The following ABHD10 variants were observed in gnomAD, a reference collection of about 807,000 sequenced individuals.
ABHD10 encodes abhydrolase domain containing 10, depalmitoylase.
ABHD10 carries 22 observed loss-of-function variants against 33.1 expected under a neutral mutation model. That is an observed-to-expected ratio of 0.66 (90% CI 0.47 to 0.95). The LOEUF (loss-of-function observed/expected upper bound fraction) is 0.95. Among genes scored for constraint, ABHD10 ranks in the 40% least tolerant of loss-of-function variants. The probability of loss-of-function intolerance (pLI) is 0.00; values close to 1 mark genes in which losing one functional copy is unlikely to be tolerated. For missense variants in ABHD10, 352 were observed against 379.9 expected, an observed-to-expected ratio of 0.93 and a Z score of 0.61; for synonymous variants, 146 against 133.9, an observed-to-expected ratio of 1.09 and a Z score of -0.62.
intron 1 of ABHD10, among the ~76,000 whole-genome samples, chr3:111,980,157 T>G (rs948243637): frequency 2.0e-5 from 3 of 152,236 alleles, no homozygotes; most frequent in African/African-American, 7.2e-5. Context: ...TTACATTAAA[T>G]AAATTATAAT....
chr3:111,983,692 C>G (rs1041515570), intron 2 of ABHD10, among the ~76,000 whole-genome samples: 5 of 152,002 alleles, frequency 3.3e-5, no homozygotes, highest in Non-Finnish European at 5.9e-5. Context: ...GTTTATTACA[C>G]AAGAAATAAA....
intron 4 of ABHD10, among the ~76,000 whole-genome samples, chr3:111,990,520 A>G (rs1186435564): frequency 6.6e-6 from 1 of 151,928 alleles, no homozygotes; most frequent in Non-Finnish European, 1.5e-5. Flanking sequence ...ACAAAATTCT[A>G]ATTTTTTTAG....
At chr3:111,984,363 T>G (rs1335941929) in intron 2 of ABHD10, among the ~76,000 whole-genome samples, 1 of 152,164 alleles carries the variant, frequency 6.6e-6, no homozygotes, top group East Asian at 1.9e-4. Context: ...CCAAAAAGGT[T>G]CATTTGAACT....
At chr3:111,987,120 T>C in intron 4 of ABHD10, 69 bp downstream of exon 4, 8 of 1,535,554 alleles carry the variant, frequency 5.2e-6, no homozygotes, top group Non-Finnish European at 7.0e-6. Flanking sequence ...CCCTCTTTCT[T>C]TGAGGGAAGG....
intron 2 of ABHD10, among the ~76,000 whole-genome samples, chr3:111,985,409 T>C (rs2072643318): frequency 6.6e-6 from 1 of 152,188 alleles, no homozygotes; most frequent in Non-Finnish European, 1.5e-5. Context: ...AATTTTATTC[T>C]GGTCTCCTTC....
chr3:111,991,343 CA>C, intron 4 of ABHD10, 33 bp from the exon 5 acceptor site: 1 of 1,558,468 alleles, frequency 6.4e-7, no homozygotes, highest in Non-Finnish European at 8.6e-7. Context: ...CCTAAAGTCA[CA>C]AATACTTTTA....
chr3:111,986,536 C>T (rs531217292), intron 3 of ABHD10, among the ~76,000 whole-genome samples, 161 bp downstream of exon 3: 8 of 152,264 alleles, frequency 5.3e-5, no homozygotes, highest in Admixed American at 2.0e-4. Flanking sequence ...CCCGGGTTCA[C>T]GGCATCCTCC....
intron 1 of ABHD10, among the ~76,000 whole-genome samples, chr3:111,979,593 T>G (rs965068070): frequency 6.6e-6 from 1 of 152,260 alleles, no homozygotes; most frequent in African/African-American, 2.4e-5. Flanking sequence ...TCCTTTGAGT[T>G]TAGGGAACCT....
rs780376193 is a variant in ABHD10 at position 111,986,382 on chromosome 3, G to T, written c.438+7G>T. On this transcript the variant is annotated splice_region_variant and intron_variant, in intron 3 of 4. Transcript: ENST00000273359. The stretch of plus-strand genomic sequence containing the variant: ...CTTAGCTGATGGGCCACAGGTGACT[G>T]TTTTGTTAAGTATGATGATAATTAC... 41 of 1,549,138 alleles carry T rather than the reference G, an allele frequency of 2.6e-5. No individual in the cohort carries two copies. The Admixed American group carries it at 7.0e-4, about 26-fold the overall frequency.
rs1437534095 is a variant in ABHD10 at position 111,992,297 on chromosome 3, T to A, written c.*576T>A. 1 of 150,172 alleles carries A rather than the reference T, an allele frequency of 6.7e-6. No individual in the cohort carries two copies. Among genetic ancestry groups the A allele is most frequent in the Non-Finnish European group, 1.5e-5 (1 of 67,570 alleles). The allele number at this position is 150,172 out of a possible 1,614,324, so 9.3% of individuals were successfully genotyped here. A position where few individuals can be genotyped will look rare whatever the true frequency, so the allele number is the denominator to read the frequency against. On this transcript the variant is annotated 3_prime_UTR_variant, in exon 5 of 5. Transcript: ENST00000273359. ...CAAACTTAAAATTGAGCTTTTTTTT[T>A]AAAGGCCCAAAATTGTACAGTGATA...
At chr3:111,981,755 A>G (rs556532933) in intron 1 of ABHD10, 29 bp from the exon 2 acceptor site, 12 of 1,491,156 alleles carry the variant, frequency 8.0e-6, no homozygotes, top group Middle Eastern at 1.8e-4. Context: ...TTTACAAACC[A>G]TAGTTTACTT....
At chr3:111,983,006 A>G (rs978944591) in intron 2 of ABHD10, among the ~76,000 whole-genome samples, 3 of 152,140 alleles carry the variant, frequency 2.0e-5, no homozygotes, top group East Asian at 3.8e-4. Context: ...TTGGAAATAG[A>G]TTCTCTAGCA....
intron 4 of ABHD10, among the ~76,000 whole-genome samples, chr3:111,989,853 T>C (rs1221140013): frequency 6.6e-6 from 1 of 152,066 alleles, no homozygotes; most frequent in Non-Finnish European, 1.5e-5. Flanking sequence ...AAAAATACAT[T>C]AAAGCCTAAG....
chr3:111,982,560 C>A (rs1000953972), intron 2 of ABHD10, among the ~76,000 whole-genome samples: 1 of 151,978 alleles, frequency 6.6e-6, no homozygotes, highest in Non-Finnish European at 1.5e-5. Flanking sequence ...TATCCACTGT[C>A]CAGAAGAGAT....
intron 4 of ABHD10, among the ~76,000 whole-genome samples, chr3:111,987,380 G>A (rs146238752): frequency 0.013 from 1,974 of 151,548 alleles, 16 homozygotes; most frequent in Non-Finnish European, 0.022. Flanking sequence ...ATCATACATC[G>A]TGATCTCCTT....
chr3:111,984,581 TA>T (rs995512826), intron 2 of ABHD10, among the ~76,000 whole-genome samples: 25 of 151,522 alleles, frequency 1.6e-4, no homozygotes, highest in Non-Finnish European at 3.4e-4. Context: ...AATTTAGTAG[TA>T]AAAAAAAATT....
chr3:111,982,102 T>C, intron 2 of ABHD10, 135 bp downstream of exon 2: 1 of 753,856 alleles, frequency 1.3e-6, no homozygotes, highest in Non-Finnish European at 1.8e-6. Flanking sequence ...TTGCATCTTG[T>C]GATTTAGGGT....
At chr3:111,987,436 A>G (rs996436091) in intron 4 of ABHD10, among the ~76,000 whole-genome samples, 5 of 152,070 alleles carry the variant, frequency 3.3e-5, no homozygotes, top group African/African-American at 1.2e-4. Flanking sequence ...GCCTGTTCTT[A>G]TGACTATGTT....
At chr3:111,986,195 A>C in intron 2 of ABHD10, 69 bp from the exon 3 acceptor site, 1 of 836,052 alleles carries the variant, frequency 1.2e-6, no homozygotes, top group Non-Finnish European at 1.9e-6. Context: ...GGAAGGTGCT[A>C]TCTTTCTTAA....
Sources: gnomAD v4.1 joint callset for allele counts (sites outside exome capture counted in the v4.1 genomes callset) on GRCh38, gnomAD v4.1.1 for gene constraint, MANE v1.5 for transcripts, NCBI Gene and HGNC (gene_info 2026-07-23, HGNC 2026-07-21) for gene names.